LIN52: variants seen among roughly 807,000 people sequenced by gnomAD.
LIN52 encodes lin-52 DREAM MuvB core complex component, also known as protein lin-52 homolog.
A neutral mutation model predicts 18.5 loss-of-function variants in LIN52; 4 were observed. The observed-to-expected ratio is 0.22, with a 90% CI of 0.11 to 0.49. LIN52 has a LOEUF of 0.49. LIN52 is among the 20% of genes least tolerant of loss of function. The pLI is 0.97. For missense variants in LIN52, 102 were observed against 139.5 expected, an observed-to-expected ratio of 0.73 and a Z score of 1.35; for synonymous variants, 34 against 45.5, an observed-to-expected ratio of 0.75 and a Z score of 1.02.
intron 5 of LIN52, among the ~76,000 whole-genome samples, chr14:74,166,448 C>G (rs1213718709): frequency 1.3e-5 from 2 of 151,644 alleles, no homozygotes; most frequent in South Asian, 2.1e-4. Flanking sequence ...CTCCTGACCT[C>G]AGGTGATCCG....
intron 5 of LIN52, among the ~76,000 whole-genome samples, chr14:74,145,974 C>T (rs533625638): frequency 5.9e-5 from 9 of 152,230 alleles, no homozygotes; most frequent in South Asian, 4.1e-4. Flanking sequence ...GATTCTATGA[C>T]GTGAAATAGT....
chr14:74,183,939 G>A (rs2061330493), intron 5 of LIN52, among the ~76,000 whole-genome samples: 1 of 151,998 alleles, frequency 6.6e-6, no homozygotes, highest in African/African-American at 2.4e-5. Context: ...TTTTACAATA[G>A]GTTTGTTTGA....
chr14:74,110,354 C>T (rs2060918979), intron 5 of LIN52, among the ~76,000 whole-genome samples: 1 of 152,032 alleles, frequency 6.6e-6, no homozygotes. Context: ...ACGAAGACTC[C>T]ATTCTCTAAA....
At chr14:74,133,358 CA>C (rs2061079546) in intron 5 of LIN52, among the ~76,000 whole-genome samples, 1 of 152,126 alleles carries the variant, frequency 6.6e-6, no homozygotes. Context: ...ATATAGGTAC[CA>C]AAAATTAACT....
intron 5 of LIN52, among the ~76,000 whole-genome samples, chr14:74,107,741 T>C (rs1049051916): frequency 3.9e-5 from 6 of 152,234 alleles, no homozygotes; most frequent in Non-Finnish European, 5.9e-5. Context: ...ACTTACTAGC[T>C]ATCTTTGAAA....
At position 74,201,066 on chromosome 14, in the gene LIN52, A is replaced by G. The variant is rs1021651782; in HGVS notation, c.*2089A>G. The G allele has an allele frequency of 6.6e-6, 1 of 152,202 alleles. No homozygotes were observed. Among genetic ancestry groups the G allele is most frequent in the Non-Finnish European group, 1.5e-5 (1 of 68,028 alleles). 9.4% of individuals were successfully genotyped at this position (152,202 alleles called of 1,614,324 possible). On this transcript the variant is annotated 3_prime_UTR_variant, in exon 6 of 6. Transcript: ENST00000555028. ...TGTAAGTAGATGTTTTAGAATTGCA[A>G]TATTTATTGGTTTAGTATTTGTCAT...
chr14:74,111,866 ATTTTTTTTC>A (rs2060931115), intron 5 of LIN52, among the ~76,000 whole-genome samples: 1 of 148,016 alleles, frequency 6.8e-6, no homozygotes, highest in East Asian at 2.0e-4. Flanking sequence ...ACTTGTTGTG[ATTTTTTTTC>A]TTTTTTTCTT....
chr14:74,175,740 ACACACACACACC>A (rs1425277304), intron 5 of LIN52, among the ~76,000 whole-genome samples: 19 of 142,512 alleles, frequency 1.3e-4, no homozygotes, highest in Admixed American at 2.7e-4. Context: ...ACACACACAC[ACACACACACACC>A]CCCATTATAC....
chr14:74,121,579 T>C (rs960935970), intron 5 of LIN52, among the ~76,000 whole-genome samples: 4 of 152,206 alleles, frequency 2.6e-5, no homozygotes, highest in African/African-American at 9.6e-5. Context: ...TGCTTTGGTT[T>C]TTCCAGGAAA....
intron 5 of LIN52, among the ~76,000 whole-genome samples, chr14:74,145,820 G>A (rs1389931343): frequency 6.6e-6 from 1 of 152,182 alleles, no homozygotes; most frequent in East Asian, 1.9e-4. Flanking sequence ...AACATGAAAT[G>A]TTTTTGAAAC....
chr14:74,101,577 G>A (rs1175662218), intron 5 of LIN52, among the ~76,000 whole-genome samples: 2 of 150,574 alleles, frequency 1.3e-5, no homozygotes, highest in African/African-American at 4.9e-5. Context: ...TCCTGCCTCA[G>A]CCTCCCAAGT....
intron 5 of LIN52, among the ~76,000 whole-genome samples, chr14:74,112,892 A>T (rs1032530085): frequency 2.6e-5 from 4 of 152,140 alleles, no homozygotes; most frequent in African/African-American, 9.7e-5. Flanking sequence ...GAGTACAAAG[A>T]ACTATATGGA....
At chr14:74,186,873 G>A (rs1391218585) in intron 5 of LIN52, among the ~76,000 whole-genome samples, 1 of 152,170 alleles carries the variant, frequency 6.6e-6, no homozygotes, top group East Asian at 1.9e-4. Context: ...GAGGCCAGGA[G>A]TTCAAGACCA....
At chr14:74,171,746 T>C (rs1426200934) in intron 5 of LIN52, among the ~76,000 whole-genome samples, 1 of 146,728 alleles carries the variant, frequency 6.8e-6, no homozygotes, top group East Asian at 2.0e-4. Context: ...CTTTTTTTTT[T>C]TTTTTTTTTT....
rs545496131 is a variant in LIN52 at position 74,161,370 on chromosome 14, G to A, written c.284-37552G>A. 5.3e-5 allele frequency among the ~76,000 whole-genome samples: 8 copies of A among 152,242 alleles called. No individual in the cohort carries two copies. In the South Asian group the frequency reaches 6.2e-4, roughly 12 times the overall value. On this transcript the variant is annotated intron_variant, in intron 5 of 5. Coordinates refer to ENST00000555028, the MANE Select transcript of LIN52 (RefSeq NM_001024674.3). The stretch of plus-strand genomic sequence containing the variant: ...CCAGCTAATTTTTGTATTTTTAGTA[G>A]AGATGAGATTTTGCCACATTGGCCA...
At chr14:74,121,024 T>G (rs1048524949) in intron 5 of LIN52, among the ~76,000 whole-genome samples, 4 of 152,042 alleles carry the variant, frequency 2.6e-5, no homozygotes, top group African/African-American at 9.7e-5. Flanking sequence ...CCAGCCTAGG[T>G]AACACAGGGA....
intron 1 of LIN52, among the ~76,000 whole-genome samples, chr14:74,088,293 G>A (rs929774846): frequency 6.6e-5 from 10 of 152,096 alleles, no homozygotes; most frequent in Non-Finnish European, 1.3e-4. Context: ...GTTTCACCAT[G>A]TTGCCCAGGC....
Position 74,097,668 on chromosome 14 carries a change from C to T in LIN52, c.133-126C>T, listed in dbSNP as rs369719130. The T allele has an allele frequency of 1.2e-4, 75 of 633,872 alleles. 1 individual carries two copies. In the Middle Eastern group the frequency reaches 1.3e-3, roughly 11 times the overall value. The allele number at this position is 633,872 out of a possible 1,614,324, so 39.3% of individuals were successfully genotyped here. ...CCAGGCGGGTCTCGAACTCCTGACTCCTGACCTCAAGTAATCCGCCCACCT... is the reference window on the plus strand; with the variant it reads ...CCAGGCGGGTCTCGAACTCCTGACTTCTGACCTCAAGTAATCCGCCCACCT... On this transcript the variant is annotated intron_variant, in intron 3 of 5. Transcript: ENST00000555028.
intron 2 of LIN52, among the ~76,000 whole-genome samples, chr14:74,091,717 TGA>T: frequency 7.4e-6 from 1 of 135,794 alleles, no homozygotes; most frequent in East Asian, 2.2e-4. Flanking sequence ...GAGGCTGCAG[TGA>T]GCAGAGATTG....
Sources: allele counts gnomAD v4.1 joint callset (sites outside exome capture counted in the v4.1 genomes callset), GRCh38; gene constraint gnomAD v4.1.1; transcripts MANE v1.5; gene names NCBI Gene and HGNC (gene_info 2026-07-23, HGNC 2026-07-21).